The following PRKAR2A variants were observed in gnomAD, a reference collection of about 807,000 sequenced individuals.
The protein encoded by PRKAR2A is protein kinase cAMP-dependent type II regulatory subunit alpha.
In PRKAR2A, 29 loss-of-function variants were observed where a neutral mutation model predicts 51.9. That is an observed-to-expected ratio of 0.56 (90% CI 0.42 to 0.76). The LOEUF is 0.76. Ranked by LOEUF, PRKAR2A falls within the 30% of genes least tolerant of loss-of-function variation. The pLI is 0.00. For missense variants in PRKAR2A, 445 were observed against 512.1 expected (o/e 0.87, Z 1.26); for synonymous variants, 178 against 186.2 (o/e 0.96, Z 0.36).
intron 3 of PRKAR2A, among the ~76,000 whole-genome samples, chr3:48,791,903 CAAAAAA>C (rs1177374619): frequency 2.4e-5 from 1 of 41,880 alleles, no homozygotes; most frequent in Non-Finnish European, 3.8e-5. Context: ...AACTCTGTCT[CAAAAAA>C]AAAAAAAAAA....
intron 4 of PRKAR2A, among the ~76,000 whole-genome samples, chr3:48,787,029 A>G (rs1024809196): frequency 2.6e-5 from 4 of 152,222 alleles, no homozygotes; most frequent in African/African-American, 9.6e-5. Context: ...CAAGATTATG[A>G]AAGACAAGTA....
chr3:48,806,233 T>C (rs2082674133), intron 2 of PRKAR2A, among the ~76,000 whole-genome samples: 2 of 152,266 alleles, frequency 1.3e-5, no homozygotes, highest in South Asian at 4.1e-4. Flanking sequence ...GATTGAGGGA[T>C]AGAAAAGCAA....
intron 1 of PRKAR2A, among the ~76,000 whole-genome samples, chr3:48,820,380 AG>A (rs907743379): frequency 2.0e-5 from 3 of 152,212 alleles, no homozygotes; most frequent in Non-Finnish European, 1.5e-5. Flanking sequence ...AATGGAGAAA[AG>A]GGAACACATT....
chr3:48,829,847 GTA>G lies in PRKAR2A; in HGVS notation c.262+17486_262+17487del, dbSNP rs1553681026. 6.7e-3 allele frequency among the ~76,000 whole-genome samples: 429 copies of G among 63,748 alleles called. 5 individuals carry two copies. Among genetic ancestry groups the G allele is most frequent in the African/African-American group, 0.022 (335 of 15,458 alleles). 41.8% of individuals were successfully genotyped at this position (63,748 alleles called of 152,430 possible). On this transcript the variant is annotated intron_variant, in intron 1 of 10. Coordinates refer to ENST00000265563, the MANE Select transcript of PRKAR2A (RefSeq NM_004157.4). Reference sequence around the variant, plus strand: ...TATACATACATATATATGCGTGTGTGTATATATATATATATATATATATATTT... The same window carrying G: ...TATACATACATATATATGCGTGTGTGTATATATATATATATATATATATTT...
At chr3:48,793,958 T>C (rs375229678) in intron 3 of PRKAR2A, 39 bp downstream of exon 3, 35 of 1,502,704 alleles carry the variant, frequency 2.3e-5, no homozygotes, top group Middle Eastern at 1.7e-4. Flanking sequence ...TAATGAGAAA[T>C]AGAACAATTC....
intron 2 of PRKAR2A, among the ~76,000 whole-genome samples, chr3:48,806,920 G>A (rs1397028404): frequency 2.0e-5 from 3 of 151,870 alleles, no homozygotes; most frequent in Non-Finnish European, 4.4e-5. Context: ...ACAGGGGCGC[G>A]CTACTGTGCC....
chr3:48,846,240 G>T (rs1384497149), intron 1 of PRKAR2A, among the ~76,000 whole-genome samples: 2 of 149,038 alleles, frequency 1.3e-5, no homozygotes, highest in South Asian at 4.2e-4. Context: ...TTTTTGAGAC[G>T]GAGTTCGCTC....
chr3:48,758,505 C>T (rs2081809680), intron 8 of PRKAR2A, among the ~76,000 whole-genome samples: 1 of 150,970 alleles, frequency 6.6e-6, no homozygotes, highest in African/African-American at 2.4e-5. Flanking sequence ...ATCGCTTGAA[C>T]CCAGGAGGTG....
At chr3:48,765,863 A>G (rs1286798306) in intron 6 of PRKAR2A, among the ~76,000 whole-genome samples, 1 of 152,142 alleles carries the variant, frequency 6.6e-6, no homozygotes, top group Non-Finnish European at 1.5e-5. Flanking sequence ...AAAAAGAACA[A>G]TTAGATTGTT....
chr3:48,770,693 AAGAAT>A (rs1418010614), intron 6 of PRKAR2A, among the ~76,000 whole-genome samples: 1 of 152,180 alleles, frequency 6.6e-6, no homozygotes, highest in Non-Finnish European at 1.5e-5. Context: ...AGGAAATAGA[AAGAAT>A]AGGAGTCTTA....
rs2083496535 is a variant in PRKAR2A, at chr3:48,847,821, C to T, written c.-225G>A. The T allele has an allele frequency of 5.1e-6, 2 of 394,788 alleles. No homozygotes were observed. The highest frequency in any genetic ancestry group is 2.1e-5 in the African/African-American group (1 of 47,886). 24.5% of individuals were successfully genotyped at this position (394,788 alleles called of 1,614,324 possible). A position where few individuals can be genotyped will look rare whatever the true frequency, so the allele number is the denominator to read the frequency against. On this transcript the variant is annotated 5_prime_UTR_variant, in exon 1 of 11. Coordinates refer to ENST00000265563, the MANE Select transcript of PRKAR2A (RefSeq NM_004157.4). This position sits in a 1 kb window ranked among gnomAD's most constrained non-coding sequence, Gnocchi z 4.4. ...GCTGTCACTGGGCAGCCGCCGCCGC[C>T]GCGGGGACCGACGGGCAGGCGAGCT...
intron 1 of PRKAR2A, among the ~76,000 whole-genome samples, chr3:48,844,527 C>G (rs1307368522): frequency 2.0e-5 from 3 of 151,658 alleles, no homozygotes; most frequent in Non-Finnish European, 2.9e-5. Flanking sequence ...GCTATAAAGG[C>G]ACATGCACAC....
At chr3:48,834,054 A>G (rs901550127) in intron 1 of PRKAR2A, among the ~76,000 whole-genome samples, 6 of 151,968 alleles carry the variant, frequency 3.9e-5, no homozygotes, top group African/African-American at 1.4e-4. Context: ...AAAAAAAGAA[A>G]AAAAAGAAAA....
intron 6 of PRKAR2A, among the ~76,000 whole-genome samples, chr3:48,768,340 GATAT>G (rs1344313364): frequency 4.0e-5 from 6 of 150,218 alleles, no homozygotes; most frequent in South Asian, 2.1e-4. Context: ...TAGATAGATA[GATAT>G]AGACAGACAG....
chr3:48,782,670 G>T (rs2082219093), intron 5 of PRKAR2A, among the ~76,000 whole-genome samples: 1 of 152,152 alleles, frequency 6.6e-6, no homozygotes, highest in Admixed American at 6.5e-5. Flanking sequence ...TGGCCAGGCT[G>T]GTCTCAAACC....
chr3:48,812,147 T>C (rs1230564860), intron 1 of PRKAR2A, among the ~76,000 whole-genome samples: 2 of 151,810 alleles, frequency 1.3e-5, no homozygotes, highest in Admixed American at 6.6e-5. Flanking sequence ...AAAAAAACTA[T>C]TGAAAGTCCT....
intron 1 of PRKAR2A, among the ~76,000 whole-genome samples, chr3:48,834,751 A>G (rs1289603009): frequency 6.6e-6 from 1 of 151,950 alleles, no homozygotes; most frequent in African/African-American, 2.4e-5. Context: ...AAAGGTGAAA[A>G]GACAATTCAC....
intron 1 of PRKAR2A, among the ~76,000 whole-genome samples, chr3:48,815,852 C>T (rs1269722583): frequency 6.6e-6 from 1 of 151,422 alleles, no homozygotes; most frequent in Non-Finnish European, 1.5e-5. Flanking sequence ...AACCCCATCT[C>T]TACTAAAAAT....
intron 4 of PRKAR2A, among the ~76,000 whole-genome samples, chr3:48,784,450 C>T (rs901092926): frequency 6.6e-6 from 1 of 152,182 alleles, no homozygotes; most frequent in Non-Finnish European, 1.5e-5. Flanking sequence ...CCCACACTGA[C>T]TGGAATGTGA....
Sources: gnomAD v4.1 joint callset for allele counts (sites outside exome capture counted in the v4.1 genomes callset) on GRCh38, gnomAD v4.1.1 for gene constraint, Gnocchi (gnomAD v3.1) non-coding constraint, MANE v1.5 for transcripts, NCBI Gene and HGNC (gene_info 2026-07-23, HGNC 2026-07-21) for gene names.